The following ZFHX3 variants were observed in gnomAD, a reference collection of about 807,000 sequenced individuals.
The protein encoded by ZFHX3 is zinc finger homeobox 3, also known as zinc finger homeobox protein 3.
Under a neutral mutation model 279.1 loss-of-function variants are expected in ZFHX3, and 42 were observed. The observed-to-expected ratio is 0.15, with a 90% CI of 0.12 to 0.19. The LOEUF (loss-of-function observed/expected upper bound fraction) is 0.19. Ranked by LOEUF, ZFHX3 falls within the 10% of genes least tolerant of loss-of-function variation. The pLI, the probability that ZFHX3 is intolerant of heterozygous loss-of-function variation, is 1.00. For missense variants in ZFHX3, 4,981 were observed against 4,754.0 expected, an observed-to-expected ratio of 1.05 and a Z score of -1.40; for synonymous variants, 2,293 against 1,957.8, an observed-to-expected ratio of 1.17 and a Z score of -4.52.
At chr16:72,971,813 A>G (rs1021705210) in intron 1 of ZFHX3, among the ~76,000 whole-genome samples, 1 of 151,676 alleles carries the variant, frequency 6.6e-6, no homozygotes, top group Non-Finnish European at 1.5e-5. Context: ...TTCTTTACTC[A>G]TAAGACAGAA....
chr16:73,108,698 T>G (rs946679955), intron 7 of ZFHX3, among the ~76,000 whole-genome samples: 1 of 152,222 alleles, frequency 6.6e-6, no homozygotes, highest in African/African-American at 2.4e-5. Context: ...AGTCCTGAAG[T>G]GACTCTGGCC....
intron 3 of ZFHX3, among the ~76,000 whole-genome samples, chr16:72,891,802 A>T (rs904753489): frequency 6.6e-6 from 1 of 152,300 alleles, no homozygotes; most frequent in Admixed American, 6.5e-5. Flanking sequence ...CCCCCAGCCC[A>T]GTCAGCCAAG....
rs1482589886 is a variant in ZFHX3 at position 72,787,056 on chromosome 16, T to G, written c.*108A>C. On this transcript the variant is annotated 3_prime_UTR_variant, in exon 10 of 10. Transcript: ENST00000268489. ...TTTTTTTTCTTTTTTTTTTTTTTTT[T>G]GTTTTTTGGTTAGAAGCTTTGGAAT... 3 of 1,067,238 alleles carry G rather than the reference T, an allele frequency of 2.8e-6. No individual in the cohort carries two copies. Among genetic ancestry groups the G allele is most frequent in the African/African-American group, 1.7e-5 (1 of 60,334 alleles). The allele number at this position is 1,067,238 out of a possible 1,614,324, so 66.1% of individuals were successfully genotyped here.
At chr16:73,349,223 G>A (rs944026113) in intron 3 of ZFHX3, among the ~76,000 whole-genome samples, 1 of 152,214 alleles carries the variant, frequency 6.6e-6, no homozygotes, top group East Asian at 1.9e-4. Flanking sequence ...GCCGGGCAAA[G>A]GCTTGGAAGG....
chr16:73,009,816 T>G (rs1327256645), intron 1 of ZFHX3, among the ~76,000 whole-genome samples: 1 of 151,560 alleles, frequency 6.6e-6, no homozygotes, highest in Non-Finnish European at 1.5e-5. Context: ...AGGTCAGGAG[T>G]TCGAGACAAG....
intron 1 of ZFHX3, among the ~76,000 whole-genome samples, chr16:72,976,322 G>A (rs963620134): frequency 6.6e-6 from 1 of 152,108 alleles, no homozygotes; most frequent in Non-Finnish European, 1.5e-5. Context: ...TAAGATTCGG[G>A]GAATCAAATC....
intron 3 of ZFHX3, among the ~76,000 whole-genome samples, chr16:72,900,581 C>T (rs1353450502): frequency 2.0e-5 from 3 of 152,320 alleles, no homozygotes; most frequent in East Asian, 1.9e-4. Flanking sequence ...GTTGCTTCGT[C>T]GCTTCTGATG....
rs545414447 is a variant in ZFHX3, at chr16:73,715,229, C to T, written c.-1607-34989G>A. 3.3e-5 allele frequency among the ~76,000 whole-genome samples: 5 copies of T among 152,268 alleles called. No homozygotes were observed. In the South Asian group the frequency reaches 6.2e-4, roughly 19 times the overall value. The stretch of plus-strand genomic sequence containing the variant: ...TCAACATGGGTTGAGACCTAGGTTT[C>T]TTAGAGCCTCATGCCCCACAGGAAA... On this transcript the variant is annotated intron_variant, in intron 1 of 17. Transcript: ENST00000641206.
intron 3 of ZFHX3, among the ~76,000 whole-genome samples, chr16:73,351,985 C>A (rs2016250592): frequency 6.6e-6 from 1 of 152,210 alleles, no homozygotes; most frequent in Non-Finnish European, 1.5e-5. Flanking sequence ...AACTTTTATA[C>A]CATTTCTAGG....
At chr16:73,633,769 A>G (rs918856524) in intron 2 of ZFHX3, among the ~76,000 whole-genome samples, 16 of 152,214 alleles carry the variant, frequency 1.1e-4, no homozygotes, top group Admixed American at 3.9e-4. Flanking sequence ...ATGGTGGCAC[A>G]TGCCTGTAAT....
At chr16:73,723,240 G>T (rs769198637) in intron 1 of ZFHX3, among the ~76,000 whole-genome samples, 3 of 152,278 alleles carry the variant, frequency 2.0e-5, no homozygotes, top group East Asian at 1.9e-4. Flanking sequence ...CTTGTATTAT[G>T]TGTAGAGAGT....
intron 4 of ZFHX3, among the ~76,000 whole-genome samples, chr16:73,308,778 G>A (rs1417124471): frequency 6.6e-6 from 1 of 151,264 alleles, no homozygotes; most frequent in Non-Finnish European, 1.5e-5. Flanking sequence ...TTTCCTGCAG[G>A]AAGTTTACAT....
At chr16:73,287,773 T>C (rs1283398344) in intron 4 of ZFHX3, among the ~76,000 whole-genome samples, 2 of 141,414 alleles carry the variant, frequency 1.4e-5, no homozygotes, top group East Asian at 4.1e-4. Context: ...TGTGGGTGTG[T>C]GGGTAAGTGT....
At chr16:73,772,675 G>A (rs2054031855) in intron 1 of ZFHX3, among the ~76,000 whole-genome samples, 1 of 152,152 alleles carries the variant, frequency 6.6e-6, no homozygotes, top group Non-Finnish European at 1.5e-5. Context: ...TGTGTATTTA[G>A]CACAACTGCA....
chr16:73,440,535 T>A (rs2018073683), intron 3 of ZFHX3, among the ~76,000 whole-genome samples: 1 of 152,244 alleles, frequency 6.6e-6, no homozygotes, highest in South Asian at 2.1e-4. Flanking sequence ...TTTGTGTTAA[T>A]TTCATCAGCT....
intron 1 of ZFHX3, among the ~76,000 whole-genome samples, chr16:73,779,027 G>A (rs1959358055): frequency 6.6e-6 from 1 of 152,216 alleles, no homozygotes; most frequent in South Asian, 2.1e-4. Flanking sequence ...ATAAGCCTGA[G>A]TGTCCCCAGC....
intron 8 of ZFHX3, among the ~76,000 whole-genome samples, chr16:73,091,268 G>A (rs1332300583): frequency 6.6e-6 from 1 of 151,644 alleles, no homozygotes; most frequent in Admixed American, 6.6e-5. Context: ...CCACTAATCA[G>A]GCAGCCAGCA....
intron 2 of ZFHX3, among the ~76,000 whole-genome samples, chr16:73,560,624 C>T (rs954741246): frequency 1.3e-5 from 2 of 152,176 alleles, no homozygotes; most frequent in South Asian, 2.1e-4. Flanking sequence ...TTCCCAGGTG[C>T]GAAGGGAGTG....
intron 8 of ZFHX3, among the ~76,000 whole-genome samples, chr16:73,065,629 C>A (rs1965741499): frequency 6.7e-6 from 1 of 148,780 alleles, no homozygotes; most frequent in African/African-American, 2.5e-5. Flanking sequence ...CTCCCCAAAG[C>A]CAGTAATGGG....
Sources: allele counts gnomAD v4.1 joint callset (sites outside exome capture counted in the v4.1 genomes callset), GRCh38; gene constraint gnomAD v4.1.1; transcripts MANE v1.5; gene names NCBI Gene and HGNC (gene_info 2026-07-23, HGNC 2026-07-21).